EOGT: variants seen among roughly 807,000 people sequenced by gnomAD.
EOGT encodes EGF domain specific O-linked N-acetylglucosamine transferase.
A neutral mutation model predicts 70.5 loss-of-function variants in EOGT; 55 were observed. The observed-to-expected ratio is 0.78, with a 90% CI of 0.63 to 0.98. The LOEUF is 0.98. Among genes scored for constraint, EOGT ranks in the 50% least tolerant of loss-of-function variants. The pLI, the probability that EOGT is intolerant of heterozygous loss-of-function variation, is 0.00. For synonymous variants in EOGT, 246 were observed against 217.1 expected, an observed-to-expected ratio of 1.13 and a Z score of -1.17; for missense variants, 703 against 641.9, an observed-to-expected ratio of 1.10 and a Z score of -1.03.
chr3:69,003,170 G>T (rs1216817898), intron 8 of EOGT, among the ~76,000 whole-genome samples: 1 of 152,090 alleles, frequency 6.6e-6, no homozygotes, highest in East Asian at 1.9e-4. Context: ...ATGAGTACAG[G>T]TAATTGCTGG....
chr3:68,983,372 C>A (rs2090707257), intron 14 of EOGT, among the ~76,000 whole-genome samples: 1 of 152,220 alleles, frequency 6.6e-6, no homozygotes, highest in African/African-American at 2.4e-5. Context: ...AAGGTCTTGG[C>A]AGAAAAACAT....
chr3:69,009,579 T>C lies in EOGT; in HGVS notation c.210+58A>G, dbSNP rs931243747. On this transcript the variant is annotated intron_variant, in intron 4 of 17. Transcript: ENST00000383701. ...CAGTTTCAGGTTATAAAGCAGAACC[T>C]GTAAGCCAGCTGAAATTGCATCCTC... 49 of 1,393,776 alleles carry C rather than the reference T, an allele frequency of 3.5e-5. No individual in the cohort carries two copies. In the African/African-American group the frequency reaches 6.6e-4, roughly 19 times the overall value. 86.3% of individuals were successfully genotyped at this position (1,393,776 alleles called of 1,614,324 possible). A position where few individuals can be genotyped will look rare whatever the true frequency, so the allele number is the denominator to read the frequency against.
intron 14 of EOGT, among the ~76,000 whole-genome samples, chr3:68,983,969 A>G (rs1360019636): frequency 6.6e-6 from 1 of 152,246 alleles, no homozygotes; most frequent in Admixed American, 6.5e-5. Flanking sequence ...GTCTAAAAAA[A>G]GAAAAAAACA....
At position 68,977,786 on chromosome 3, in the gene EOGT, C is replaced by T. The variant is rs115047826; in HGVS notation, c.1438-22G>A. ...GGCCCTGTGAAAATAAACCAAAACA[C>T]GAATCCATAACTCAATGAGGGCATG... On this transcript the variant is annotated intron_variant, in intron 17 of 17. Transcript: ENST00000383701. 2.1e-4 allele frequency: 340 copies of T among 1,602,296 alleles called. No homozygotes were observed. In the African/African-American group the frequency reaches 3.7e-3, roughly 18 times the overall value.
intron 9 of EOGT, 122 bp from the exon 10 acceptor site, chr3:68,998,236 AT>A (rs2091205274): frequency 3.2e-6 from 2 of 630,304 alleles, no homozygotes; most frequent in Non-Finnish European, 5.5e-6. Context: ...GGGGAAAAAA[AT>A]AACTGTTTTG....
intron 10 of EOGT, among the ~76,000 whole-genome samples, chr3:68,994,746 G>A (rs138031164): frequency 2.9e-4 from 44 of 152,168 alleles, no homozygotes; most frequent in Middle Eastern, 3.4e-3. Flanking sequence ...AGGCAAGATC[G>A]CGACACTGCA....
At chr3:68,992,971 C>A (rs921002222) in intron 10 of EOGT, among the ~76,000 whole-genome samples, 2 of 152,216 alleles carry the variant, frequency 1.3e-5, no homozygotes, top group African/African-American at 2.4e-5. Context: ...GGCACCAAGT[C>A]CCTAGGCTGC....
chr3:68,996,956 T>C (rs922547503), intron 10 of EOGT, among the ~76,000 whole-genome samples: 1 of 152,206 alleles, frequency 6.6e-6, no homozygotes, highest in Non-Finnish European at 1.5e-5. Context: ...GTACCAGGCA[T>C]GGTGACTGTT....
intron 10 of EOGT, among the ~76,000 whole-genome samples, chr3:68,989,740 C>A: frequency 8.5e-6 from 1 of 117,036 alleles, no homozygotes. Context: ...AAGAGCGAAA[C>A]TCCATCTCAA....
intron 13 of EOGT, 56 bp downstream of exon 13, chr3:68,988,239 T>A: frequency 8.1e-7 from 1 of 1,230,854 alleles, no homozygotes. Context: ...GTGGTATCGA[T>A]TTTTATTAGG....
At chr3:68,983,513 C>A (rs886346695) in intron 14 of EOGT, among the ~76,000 whole-genome samples, 10 of 152,260 alleles carry the variant, frequency 6.6e-5, no homozygotes, top group African/African-American at 2.4e-4. Context: ...GGGATCACCA[C>A]CATTCAGAAA....
chr3:68,988,266 C>T (rs2090873910), intron 13 of EOGT, 29 bp downstream of exon 13: 5 of 1,445,864 alleles, frequency 3.5e-6, no homozygotes, highest in Non-Finnish European at 4.7e-6. Context: ...AACTCAAGCC[C>T]ACCTCAGAAT....
At chr3:68,998,870 A>G (rs1818289) in intron 9 of EOGT, among the ~76,000 whole-genome samples, 63,278 of 147,924 alleles carry the variant, frequency 0.43, 14,823 homozygotes, top group Non-Finnish European at 0.54. Context: ...AAAAAAATCA[A>G]TTAAGAAACA....
At chr3:68,980,809 A>C (rs1256296260) in intron 15 of EOGT, among the ~76,000 whole-genome samples, 1 of 152,240 alleles carries the variant, frequency 6.6e-6, no homozygotes, top group African/African-American at 2.4e-5. Context: ...CCAGTTGTGG[A>C]AACGCCTGTG....
At chr3:68,985,224 T>C (rs1458677236) in intron 14 of EOGT, among the ~76,000 whole-genome samples, 2 of 152,206 alleles carry the variant, frequency 1.3e-5, no homozygotes, top group African/African-American at 4.8e-5. Flanking sequence ...TTGCACTATT[T>C]GATACGTTCG....
At chr3:68,987,015 G>A (rs1240938216) in intron 14 of EOGT, among the ~76,000 whole-genome samples, 1 of 152,248 alleles carries the variant, frequency 6.6e-6, no homozygotes, top group Non-Finnish European at 1.5e-5. Flanking sequence ...TAAGGATGCT[G>A]AAAATGCAGT....
chr3:68,998,743 G>A (rs1332030939), intron 9 of EOGT, among the ~76,000 whole-genome samples: 1 of 150,616 alleles, frequency 6.6e-6, no homozygotes, highest in Non-Finnish European at 1.5e-5. Flanking sequence ...GGCTGAGGCA[G>A]GAGAATTTGC....
chr3:68,997,917 T>C (rs1211035238), intron 10 of EOGT, 94 bp downstream of exon 10: 8 of 734,174 alleles, frequency 1.1e-5, no homozygotes, highest in South Asian at 9.3e-5. Flanking sequence ...TGTTGAAATA[T>C]ATGTGTCTTT....
At chr3:68,990,147 C>A (rs1274214312) in intron 10 of EOGT, among the ~76,000 whole-genome samples, 1 of 151,904 alleles carries the variant, frequency 6.6e-6, no homozygotes, top group Non-Finnish European at 1.5e-5. Flanking sequence ...GTACATTAAG[C>A]CACCCACAAG....
Sources: gnomAD v4.1 joint callset for allele counts (sites outside exome capture counted in the v4.1 genomes callset) on GRCh38, gnomAD v4.1.1 for gene constraint, MANE v1.5 for transcripts, NCBI Gene and HGNC (gene_info 2026-07-23, HGNC 2026-07-21) for gene names.